The following SERPINI1 variants were observed in gnomAD, a reference collection of about 807,000 sequenced individuals.
The protein encoded by SERPINI1 is neuroserpin.
Under a neutral mutation model 41.1 loss-of-function variants are expected in SERPINI1, and 19 were observed. The ratio of observed to expected loss-of-function variants is 0.46; its 90% CI spans 0.32 to 0.68. The LOEUF is 0.68. Ranked by LOEUF, SERPINI1 falls within the 30% of genes least tolerant of loss-of-function variation. SERPINI1 has a pLI of 0.03. For missense variants in SERPINI1, 460 were observed against 479.2 expected, an observed-to-expected ratio of 0.96 and a Z score of 0.37; for synonymous variants, 138 against 156.6, an observed-to-expected ratio of 0.88 and a Z score of 0.89.
chr3:167,758,940 T>C (rs998828287), intron 1 of SERPINI1, among the ~76,000 whole-genome samples: 1 of 152,330 alleles, frequency 6.6e-6, no homozygotes, highest in Non-Finnish European at 1.5e-5. Context: ...ATACAAAGGT[T>C]ATAACACTCT....
At chr3:167,776,113 T>C (rs928450995) in intron 1 of SERPINI1, among the ~76,000 whole-genome samples, 1 of 152,188 alleles carries the variant, frequency 6.6e-6, no homozygotes, top group African/African-American at 2.4e-5. Flanking sequence ...AAAGCATTAA[T>C]GGGTAAGTTA....
Position 167,772,949 on chromosome 3 carries a change from C to CAT in SERPINI1, c.-18-16155_-18-16154dup, listed in dbSNP as rs545950927. On this transcript the variant is annotated intron_variant, in intron 1 of 8. Transcript: ENST00000446050. ...GCATATATACATATACATATATACA[C>CAT]ATATATATGTATATGTGTGTATATA... Among the ~76,000 whole-genome samples the CAT allele has an allele frequency of 2.1e-4, 22 of 104,802 alleles. No homozygotes were observed. The South Asian group carries it at 5.8e-3, about 28-fold the overall frequency. 68.8% of individuals were successfully genotyped at this position (104,802 alleles called of 152,430 possible).
At chr3:167,807,403 A>AGTAAATAGAGGAT in intron 6 of SERPINI1, 62 bp downstream of exon 6, 1 of 1,074,730 alleles carries the variant, frequency 9.3e-7, no homozygotes, top group Non-Finnish European at 1.4e-6. Context: ...AAATGATGAT[A>AGTAAATAGAGGAT]TTAAATCCTC....
At chr3:167,764,189 G>A (rs1395819110) in intron 1 of SERPINI1, among the ~76,000 whole-genome samples, 1 of 151,996 alleles carries the variant, frequency 6.6e-6, no homozygotes, top group Non-Finnish European at 1.5e-5. Flanking sequence ...AGGCACTGAG[G>A]ACAGCAATCA....
intron 1 of SERPINI1, among the ~76,000 whole-genome samples, chr3:167,749,465 C>CTA (rs1177489690): frequency 6.6e-6 from 1 of 152,186 alleles, no homozygotes; most frequent in Non-Finnish European, 1.5e-5. Flanking sequence ...TATCTTTATA[C>CTA]AAGACAATTG....
chr3:167,818,022 T>G (rs540730163), intron 6 of SERPINI1, among the ~76,000 whole-genome samples: 66 of 151,804 alleles, frequency 4.3e-4, no homozygotes, highest in Admixed American at 3.7e-3. Context: ...ATTTTGGTTG[T>G]TTGTTTGTTT....
chr3:167,776,806 G>A (rs1726982194), intron 1 of SERPINI1, among the ~76,000 whole-genome samples: 1 of 152,168 alleles, frequency 6.6e-6, no homozygotes, highest in African/African-American at 2.4e-5. Context: ...CACTGGAGAT[G>A]CACACATATG....
chr3:167,802,461 C>G lies in SERPINI1; in HGVS notation c.882-4783C>G, dbSNP rs201783776. ...AACAAACAACCCCATCAAAAAGTGG[C>G]CGAAGGACATGAACAGACACTTCTC... On this transcript the variant is annotated intron_variant, in intron 5 of 8. Transcript: ENST00000446050. Among the ~76,000 whole-genome samples, 634 of 146,516 alleles carry G rather than the reference C, an allele frequency of 4.3e-3. 3 individuals carry two copies. The highest frequency in any genetic ancestry group is 0.035 in the East Asian group (158 of 4,578).
chr3:167,808,993 T>C (rs1182924860), intron 6 of SERPINI1, among the ~76,000 whole-genome samples: 1 of 152,174 alleles, frequency 6.6e-6, no homozygotes, highest in Non-Finnish European at 1.5e-5. Flanking sequence ...CTACCCCTCG[T>C]TCAGAGAGCT....
At chr3:167,736,427 T>TAGGG (rs1725440477) in intron 1 of SERPINI1, among the ~76,000 whole-genome samples, 1 of 152,236 alleles carries the variant, frequency 6.6e-6, no homozygotes. Context: ...AAATGAATTT[T>TAGGG]AATGAATGGA....
intron 5 of SERPINI1, among the ~76,000 whole-genome samples, chr3:167,802,373 C>T (rs1279128618): frequency 6.7e-6 from 1 of 150,276 alleles, no homozygotes; most frequent in South Asian, 2.1e-4. Context: ...TTGCAACCTA[C>T]TCATCTGACA....
intron 3 of SERPINI1, among the ~76,000 whole-genome samples, chr3:167,791,171 G>T (rs1167559566): frequency 6.6e-6 from 1 of 151,754 alleles, no homozygotes; most frequent in African/African-American, 2.4e-5. Flanking sequence ...ATGTATTTAG[G>T]GTTTCCAAAT....
chr3:167,823,215 G>T, intron 7 of SERPINI1, 143 bp downstream of exon 7: 1 of 706,334 alleles, frequency 1.4e-6, no homozygotes, highest in Non-Finnish European at 2.6e-6. Flanking sequence ...TGAACCAGCC[G>T]GAATTTTCTA....
intron 1 of SERPINI1, among the ~76,000 whole-genome samples, chr3:167,785,669 A>G (rs1444125726): frequency 1.3e-5 from 2 of 151,618 alleles, no homozygotes; most frequent in East Asian, 1.9e-4. Context: ...AATGTTAACT[A>G]TTATTATTAT....
chr3:167,749,504 T>C (rs1349955922), intron 1 of SERPINI1, among the ~76,000 whole-genome samples: 1 of 152,222 alleles, frequency 6.6e-6, no homozygotes, highest in African/African-American at 2.4e-5. Flanking sequence ...CTTAAAACCA[T>C]AAACCCAGTC....
At chr3:167,809,227 G>T (rs1425814199) in intron 6 of SERPINI1, among the ~76,000 whole-genome samples, 2 of 152,178 alleles carry the variant, frequency 1.3e-5, no homozygotes, top group Admixed American at 1.3e-4. Flanking sequence ...CATGGCTGAA[G>T]CTTAGCATAA....
chr3:167,737,005 TTA>T (rs1002222234), intron 1 of SERPINI1, among the ~76,000 whole-genome samples: 24 of 152,280 alleles, frequency 1.6e-4, no homozygotes, highest in African/African-American at 3.8e-4. Flanking sequence ...TCTCAATACT[TTA>T]TGTTTTTTTT....
intron 4 of SERPINI1, among the ~76,000 whole-genome samples, chr3:167,793,602 A>ATAT (rs1727605852): frequency 1.1e-5 from 1 of 87,384 alleles, no homozygotes; most frequent in African/African-American, 5.7e-5. Context: ...ATATATTTTT[A>ATAT]ATTAGCTAGG....
chr3:167,812,773 A>G (rs1278711656), intron 6 of SERPINI1, among the ~76,000 whole-genome samples: 1 of 152,214 alleles, frequency 6.6e-6, no homozygotes, highest in African/African-American at 2.4e-5. Flanking sequence ...TTTTGTTGGT[A>G]AATTCCATTA....
Sources: allele counts gnomAD v4.1 joint callset (sites outside exome capture counted in the v4.1 genomes callset), GRCh38; gene constraint gnomAD v4.1.1; transcripts MANE v1.5; gene names NCBI Gene and HGNC (gene_info 2026-07-23, HGNC 2026-07-21).